BSN: variants seen among roughly 807,000 people sequenced by gnomAD.
BSN encodes the protein bassoon presynaptic cytomatrix protein.
BSN carries 57 observed loss-of-function variants against 264.8 expected under a neutral mutation model. The ratio of observed to expected loss-of-function variants is 0.22; its 90% CI spans 0.17 to 0.27. BSN has a LOEUF of 0.27. Among genes scored for constraint, BSN ranks in the 10% least tolerant of loss-of-function variants. The pLI, the probability that BSN is intolerant of heterozygous loss-of-function variation, is 1.00. For missense variants in BSN, 4,615 were observed against 5,232.5 expected, an observed-to-expected ratio of 0.88 and a Z score of 3.64; for synonymous variants, 2,059 against 2,137.3, an observed-to-expected ratio of 0.96 and a Z score of 1.01.
intron 1 of BSN, among the ~76,000 whole-genome samples, chr3:49,557,617 G>C (rs1242635160): frequency 7.1e-6 from 1 of 140,220 alleles, no homozygotes; most frequent in East Asian, 2.1e-4. Flanking sequence ...TCGCTCTGTC[G>C]CCCAGGCTGG....
intron 1 of BSN, among the ~76,000 whole-genome samples, chr3:49,620,367 G>A (rs2052295284): frequency 6.6e-6 from 1 of 151,812 alleles, no homozygotes; most frequent in Non-Finnish European, 1.5e-5. Flanking sequence ...GGAGGTTGCC[G>A]TGAGCTGAGA....
At chr3:49,673,109 T>TTTTTTTTTTTTTTTTTTTTC (rs1559625271), downstream of BSN, among the ~76,000 whole-genome samples, 2 of 135,008 alleles carry the variant, frequency 1.5e-5, 1 homozygote, top group Non-Finnish European at 3.1e-5. Flanking sequence ...TTTTTTTTTT[T>TTTTTTTTTTTTTTTTTTTTC]TTTTTTACTT....
At chr3:49,577,657 G>T (rs1398069823) in intron 1 of BSN, among the ~76,000 whole-genome samples, 1 of 150,996 alleles carries the variant, frequency 6.6e-6, no homozygotes, top group South Asian at 2.1e-4. Context: ...CTCCTGCCTC[G>T]GCCTCCCAAG....
intron 11 of BSN, among the ~76,000 whole-genome samples, chr3:49,666,986 G>A (rs2052717909): frequency 6.6e-6 from 1 of 152,170 alleles, no homozygotes; most frequent in South Asian, 2.1e-4. Context: ...TGAAAGTGGG[G>A]GAAGGAGGGA....
chr3:49,660,697 T>C lies in BSN; in HGVS notation c.8852T>C (p.Val2951Ala). ...GAGCTGGACCGGGACCTGCGGCTGG[T>C]GGAGCATGAGTCCACCAAACTGCGC... ...LRELDRDLRLVEHESTKLRKK... is the reference protein window; with the variant it reads ...LRELDRDLRLAEHESTKLRKK... The change falls in exon 6 of 12, where the codon GTG becomes GCG. Residue 2951 changes from valine to alanine, a missense_variant. Physicochemically the swap from Val to Ala is moderately conservative, Grantham distance 64. Around this residue, in one of 3 missense-constraint regions of BSN, gnomAD observed 3,415 missense variants for 3,866.4 expected, o/e 0.88. Coordinates refer to ENST00000296452, the MANE Select transcript of BSN (RefSeq NM_003458.4). This position sits in a 1 kb window ranked among gnomAD's most constrained non-coding sequence, Gnocchi z 7.1. 1 of 1,608,988 alleles carries C rather than the reference T, an allele frequency of 6.2e-7. No individual in the cohort carries two copies. The highest frequency in any genetic ancestry group is 8.5e-7 in the Non-Finnish European group (1 of 1,178,758).
chr3:49,573,147 T>C (rs1382276755), intron 1 of BSN, among the ~76,000 whole-genome samples: 1 of 152,118 alleles, frequency 6.6e-6, no homozygotes, highest in Non-Finnish European at 1.5e-5. Context: ...AAAATTCTAT[T>C]GAAGGAGTAG....
At chr3:49,610,411 C>T (rs1420112605) in intron 1 of BSN, among the ~76,000 whole-genome samples, 6 of 151,824 alleles carry the variant, frequency 4.0e-5, no homozygotes, top group Admixed American at 3.9e-4. Context: ...GGCAAAACCC[C>T]ATCTCTACTA....
At chr3:49,564,608 C>T (rs2051739233) in intron 1 of BSN, among the ~76,000 whole-genome samples, 1 of 152,184 alleles carries the variant, frequency 6.6e-6, no homozygotes, top group Non-Finnish European at 1.5e-5. Context: ...GTTGGATGCT[C>T]AAGGCCAAGG....
intron 1 of BSN, among the ~76,000 whole-genome samples, chr3:49,620,342 T>C (rs2052295096): frequency 6.6e-6 from 1 of 151,796 alleles, no homozygotes; most frequent in Admixed American, 6.6e-5. Context: ...GAAGAATTGC[T>C]TGAACCCGGG....
chr3:49,584,147 AGTG>A (rs1346189923), intron 1 of BSN, among the ~76,000 whole-genome samples: 2 of 152,150 alleles, frequency 1.3e-5, no homozygotes, highest in African/African-American at 2.4e-5. Flanking sequence ...GGCTTCCCAA[AGTG>A]CTGGGATTAC....
intron 1 of BSN, among the ~76,000 whole-genome samples, chr3:49,582,540 G>T (rs1575428783): frequency 6.6e-6 from 1 of 152,184 alleles, no homozygotes; most frequent in East Asian, 1.9e-4. Context: ...CTTTTTTGTG[G>T]CCTGTTTAGG....
At chr3:49,616,319 C>T (rs1041117401) in intron 1 of BSN, among the ~76,000 whole-genome samples, 1 of 152,210 alleles carries the variant, frequency 6.6e-6, no homozygotes, top group African/African-American at 2.4e-5. Flanking sequence ...TGCCTGGGTG[C>T]ACAGGAACCA....
chr3:49,618,865 G>C (rs1375565842), intron 1 of BSN, among the ~76,000 whole-genome samples: 1 of 152,140 alleles, frequency 6.6e-6, no homozygotes. Flanking sequence ...TAGACCAGAG[G>C]CTCTTGGAGG....
chr3:49,597,235 G>T (rs914197552), intron 1 of BSN, among the ~76,000 whole-genome samples: 1 of 151,940 alleles, frequency 6.6e-6, no homozygotes, highest in African/African-American at 2.4e-5. Context: ...AGATTGCCCA[G>T]TCTTACTGAT....
chr3:49,637,168 C>T (rs1280393185), intron 2 of BSN, among the ~76,000 whole-genome samples: 1 of 152,252 alleles, frequency 6.6e-6, no homozygotes, highest in African/African-American at 2.4e-5. Context: ...TGAATGCCTG[C>T]TCTCCCTGGT....
In BSN at chr3:49,592,501, C is replaced by G. The variant is rs1019710590; in HGVS notation, c.225-32474C>G. ...GGACGCGGTGGCTCACGCCTGTAAT[C>G]CCAGCACTTTGGGAGGCTGAGGCGG... On this transcript the variant is annotated intron_variant, in intron 1 of 11. Transcript: ENST00000296452. Among the ~76,000 whole-genome samples, 55 of 151,498 alleles carry G rather than the reference C, an allele frequency of 3.6e-4. 1 individual carries two copies. The highest frequency in any genetic ancestry group is 3.2e-3 in the Admixed American group (49 of 15,238).
Position 49,661,783 on chromosome 3 carries a change from G to A in BSN, c.9938G>A (p.Arg3313Gln), listed in dbSNP as rs761893219. 42 of 1,613,164 alleles carry A rather than the reference G, an allele frequency of 2.6e-5. No homozygotes were observed. Among genetic ancestry groups the A allele is most frequent in the Admixed American group, 3.3e-5 (2 of 60,006 alleles). The change falls in exon 6 of 12, where the codon CGA becomes CAA. Residue 3313 changes from arginine to glutamine, a missense_variant. Physicochemically the swap from Arg to Gln is conservative, Grantham distance 43. This residue lies in a region of BSN where 3,415 missense variants were observed against 3,866.4 expected (regional missense o/e 0.88). Transcript: ENST00000296452. ...GHLRSMESNG[R>Q]PASTHYYGDS... ...CTCCGGAGCATGGAGAGCAATGGTC[G>A]ACCAGCCAGTACCCACTACTATGGT...
At chr3:49,599,485 C>T (rs896356250) in intron 1 of BSN, among the ~76,000 whole-genome samples, 4 of 152,194 alleles carry the variant, frequency 2.6e-5, no homozygotes, top group Middle Eastern at 3.4e-3. Flanking sequence ...ATCTTCTTGG[C>T]CATACCTGCT....
At chr3:49,566,650 A>T (rs1373357469) in intron 1 of BSN, among the ~76,000 whole-genome samples, 2 of 151,962 alleles carry the variant, frequency 1.3e-5, no homozygotes, top group African/African-American at 4.8e-5. Flanking sequence ...GCCAGGCATA[A>T]TGGCACATGT....
Sources: gnomAD v4.1 joint callset for allele counts (sites outside exome capture counted in the v4.1 genomes callset) on GRCh38, gnomAD v4.1.1 for gene constraint, gnomAD v4.1.1 regional missense constraint, Gnocchi (gnomAD v3.1) non-coding constraint, MANE v1.5 for transcripts, NCBI Gene and HGNC (gene_info 2026-07-23, HGNC 2026-07-21) for gene names.